Variants in TTN observed in about 807,000 individuals in gnomAD.
TTN encodes connectin.
TTN carries 1,525 observed loss-of-function variants against 3,223.0 expected under a neutral mutation model. That is an observed-to-expected ratio of 0.47 (90% CI 0.45 to 0.49). TTN has a LOEUF of 0.49. TTN is among the 20% of genes least tolerant of loss of function. The pLI is 0.00. For synonymous variants in TTN, 14,094 were observed against 15,161.0 expected (o/e 0.93, Z 5.17); for missense variants, 40,786 against 43,424.0 (o/e 0.94, Z 5.40).
chr2:178,599,880 G>A lies in TTN; in HGVS notation c.56051-30C>T, dbSNP rs1222223730. ...ATTATTTAAAAAAAGTTGTCATTAG[G>A]AGCAAAAAGCATTGAGGGATAGAAA... On this transcript the variant is annotated intron_variant, in intron 288 of 362. Transcript: ENST00000589042. 6 of 1,522,936 alleles carry A rather than the reference G, an allele frequency of 3.9e-6. No homozygotes were observed. The African/African-American group carries it at 4.2e-5, about 11-fold the overall frequency. 94.3% of individuals were successfully genotyped at this position (1,522,936 alleles called of 1,614,324 possible).
At position 178,608,901 on chromosome 2, in the gene TTN, C is replaced by T. The variant is rs139789997; in HGVS notation, c.52110G>A (p.Pro17370=). The T allele has an allele frequency of 6.6e-4, 1,060 of 1,607,808 alleles. No homozygotes were observed. Among genetic ancestry groups the T allele is most frequent in the Non-Finnish European group, 8.1e-4 (957 of 1,178,852 alleles). Residue 17370 remains proline (P), a synonymous_variant, in exon 274 of 363, where the codon CCG becomes CCA. Coordinates refer to ENST00000589042, the MANE Select transcript of TTN (RefSeq NM_001267550.2). ...CAAATACAAAGTTGATTGGTGGTCC[C>T]GGTGTATCTAATATTTCAGAAGAGA... is the stretch of plus-strand genomic sequence containing the variant. ...APCTVSVLDT[P]GPPINFVFED...
chr2:178,606,991 C>T (rs1245838921), intron 278 of TTN, 30 bp downstream of exon 278: 1 of 1,593,416 alleles, frequency 6.3e-7, no homozygotes, highest in Non-Finnish European at 8.5e-7. Context: ...AAACATTACT[C>T]TATAAACACA....
At chr2:178,681,507 G>T in intron 136 of TTN, 57 bp from the exon 137 acceptor site, 1 of 1,523,126 alleles carries the variant, frequency 6.6e-7, no homozygotes, top group Non-Finnish European at 8.9e-7. Flanking sequence ...CTCAAGGCTA[G>T]CAAGAACAAA....
Position 178,782,354 on chromosome 2 carries a change from C to A in TTN, c.3238G>T (p.Ala1080Ser). 1.2e-6 allele frequency: 2 copies of A among 1,614,088 alleles called. No individual in the cohort carries two copies. The highest frequency in any genetic ancestry group is 1.7e-6 in the Non-Finnish European group (2 of 1,179,988). Residue 1080 changes from alanine (A) to serine (S), a missense_variant, in exon 20 of 363, where the codon GCC becomes TCC. Transcript: ENST00000589042. ...TEEQAGPGEP[A>S]APYFITKPVV... ...GGTTTTGTAATAAAGTAAGGCGCGG[C>A]AGGTTCTCCAGGCCCTGCTTGTTCC...
rs777031546 is a variant in TTN, at chr2:178,619,879, C to G, written c.46438G>C (p.Val15480Leu). 6.2e-7 allele frequency: 1 copy of G among 1,606,622 alleles called. No homozygotes were observed. The highest frequency in any genetic ancestry group is 1.3e-5 in the African/African-American group (1 of 74,446). The change falls in exon 250 of 363, where the codon GTT becomes CTT. Residue 15480 changes from valine (V) to leucine (L), a missense_variant. Val to Leu is a conservative substitution (Grantham distance 32). Coordinates refer to ENST00000589042, the MANE Select transcript of TTN (RefSeq NM_001267550.2). The part of the protein sequence containing the change: ...RARLFVEEIP[V>L]EIIRPPQDIL... ...TCTTGTGGAGGCCTGATGATCTCAA[C>G]AGGAATTTCTGGAAAGAAAATGTGA...
At chr2:178,615,864 C>G (rs1411583561) in intron 257 of TTN, 76 bp from the exon 258 acceptor site, 1 of 1,480,784 alleles carries the variant, frequency 6.8e-7, no homozygotes, top group Non-Finnish European at 9.0e-7. Context: ...TTACCATGAC[C>G]AGGGATACAA....
rs1159907858 is a variant in TTN, at chr2:178,548,854, C to G, written c.92772G>C (p.Glu30924Asp). Residue 30924 changes from glutamate to aspartate, a missense_variant, in exon 339 of 363, where the codon GAG (glutamate) becomes GAC (aspartate). Coordinates refer to ENST00000589042, the MANE Select transcript of TTN (RefSeq NM_001267550.2). This position sits in a 1 kb window ranked among gnomAD's most constrained non-coding sequence, Gnocchi z 4.3. ...IKAVDRLTAP[E>D]LDIDANFKQT... Reference sequence around the variant, plus strand: ...GTTTGAAGTTTGCATCTATGTCTAACTCAGGAGCTGTTAACCGGTCAACTG... The same window carrying G: ...GTTTGAAGTTTGCATCTATGTCTAAGTCAGGAGCTGTTAACCGGTCAACTG... 2 of 1,613,574 alleles carry G rather than the reference C, an allele frequency of 1.2e-6. No individual in the cohort carries two copies. The highest frequency in any genetic ancestry group is 2.2e-5 in the South Asian group (2 of 91,080).
Position 178,587,497 on chromosome 2 carries a change from A to T in TTN, c.63793+19T>A. The T allele has an allele frequency of 6.2e-7, 1 of 1,604,802 alleles. No homozygotes were observed. Among genetic ancestry groups the T allele is most frequent in the South Asian group, 1.1e-5 (1 of 89,586 alleles). ...AATTCATTTTTGAAGTGGGAGGGAG[A>T]AGCATTTTAGTAACCCACCTAATAC... On this transcript the variant is annotated intron_variant, in intron 306 of 362. Transcript: ENST00000589042.
In TTN at chr2:178,562,251, T is replaced by G; in HGVS notation, c.83881A>C (p.Ile27961Leu). ...AAAGGAAGCTCAACTGAAGGCTTTA[T>G]TTCAATATCCCTTGCAATTACTGGC... ...GVPVIARDIEIKPSVELPFHT... is the reference protein window; with the variant it reads ...GVPVIARDIELKPSVELPFHT... Residue 27961 changes from isoleucine (I) to leucine (L), a missense_variant, in exon 326 of 363, where the codon ATA becomes CTA. By Grantham distance (5) the Ile-to-Leu change is conservative. Coordinates refer to ENST00000589042, the MANE Select transcript of TTN (RefSeq NM_001267550.2). 1.2e-6 allele frequency: 2 copies of G among 1,613,246 alleles called. No individual in the cohort carries two copies. Among genetic ancestry groups the G allele is most frequent in the Non-Finnish European group, 8.5e-7 (1 of 1,179,596 alleles).
Position 178,574,515 on chromosome 2 carries a change from A to G in TTN, c.71617T>C (p.Trp23873Arg), listed in dbSNP as rs748571909. The change falls in exon 326 of 363, where the codon TGG becomes CGG. Residue 23873 changes from tryptophan to arginine, a missense_variant. Trp to Arg is a moderately radical substitution (Grantham distance 101). Coordinates refer to ENST00000589042, the MANE Select transcript of TTN (RefSeq NM_001267550.2). ...VERKERNGIL[W>R]QTVSKALVPG... ...ACTAAAGCTTTGCTCACAGTCTGCCAGAGAATACCATTTCGTTCTTTTCTT... is the reference window on the plus strand; with the variant it reads ...ACTAAAGCTTTGCTCACAGTCTGCCGGAGAATACCATTTCGTTCTTTTCTT... The G allele has an allele frequency of 1.2e-6, 2 of 1,613,650 alleles. No individual in the cohort carries two copies. Among genetic ancestry groups the G allele is most frequent in the South Asian group, 1.1e-5 (1 of 91,072 alleles).
rs932428446 is a variant in TTN at position 178,614,830 on chromosome 2, A to T, written c.48760+17T>A. On this transcript the variant is annotated intron_variant, in intron 260 of 362. Coordinates refer to ENST00000589042, the MANE Select transcript of TTN (RefSeq NM_001267550.2). Reference sequence around the variant, plus strand: ...GTCAGAGGCCTATTTGATAAGACAAAAATCAAAAATAGATACCTTGTGTGT... The same window carrying T: ...GTCAGAGGCCTATTTGATAAGACAATAATCAAAAATAGATACCTTGTGTGT... 1 of 1,576,806 alleles carries T rather than the reference A, an allele frequency of 6.3e-7. No individual in the cohort carries two copies. Among genetic ancestry groups the T allele is most frequent in the Non-Finnish European group, 8.6e-7 (1 of 1,160,088 alleles).
intron 239 of TTN, among the ~76,000 whole-genome samples, chr2:178,629,808 T>C (rs1275317924): frequency 6.6e-6 from 1 of 152,098 alleles, no homozygotes; most frequent in African/African-American, 2.4e-5. Context: ...TCCCTATCCA[T>C]CAAACACTTT....
intron 240 of TTN, among the ~76,000 whole-genome samples, chr2:178,626,062 T>C (rs1181787652): frequency 6.6e-6 from 1 of 151,872 alleles, no homozygotes; most frequent in African/African-American, 2.4e-5. Context: ...TATATACATA[T>C]AAAGGAAGAA....
rs1489491529 is a variant in TTN at position 178,721,107 on chromosome 2, T to C, written c.22912A>G (p.Ile7638Val). Residue 7638 changes from isoleucine to valine, a missense_variant, in exon 79 of 363, where the codon ATC becomes GTC. By Grantham distance (29) the Ile-to-Val change is conservative. Coordinates refer to ENST00000589042, the MANE Select transcript of TTN (RefSeq NM_001267550.2). ...TCATTTCGGAACCATGAAACTTTGA[T>C]TTCTGGGGAGCCACTTATTTTACAT... ...LECKISGSPEIKVSWFRNDSE... is the reference protein window; with the variant it reads ...LECKISGSPEVKVSWFRNDSE... The C allele has an allele frequency of 6.2e-7, 1 of 1,613,442 alleles. No individual in the cohort carries two copies. The highest frequency in any genetic ancestry group is 1.1e-5 in the South Asian group (1 of 91,056).
At position 178,663,882 on chromosome 2, in the gene TTN, C is replaced by A. The variant is rs1287619458; in HGVS notation, c.36385G>T (p.Val12129Phe). ...AAGGGCACTTTCTCTTCGCGGATAA[C>A]CTCTTTGGAAGCTTCTGGCACTTGA... ...PVKVPEASKE[V>F]IREEKVPLAP... Residue 12129 changes from valine to phenylalanine, a missense_variant, in exon 170 of 363, where the codon GTT becomes TTT. By Grantham distance (50) the Val-to-Phe change is conservative. Transcript: ENST00000589042. The A allele has an allele frequency of 3.1e-6, 5 of 1,612,610 alleles. No individual in the cohort carries two copies. The highest frequency in any genetic ancestry group is 1.3e-5 in the African/African-American group (1 of 74,660).
At chr2:178,688,367 A>T in intron 126 of TTN, 143 bp from the exon 127 acceptor site, 1 of 751,110 alleles carries the variant, frequency 1.3e-6, no homozygotes, top group Non-Finnish European at 2.2e-6. Flanking sequence ...AAGAAGGAGG[A>T]AGCTAATTTA....
At chr2:178,761,903 C>T (rs1335755136) in intron 43 of TTN, among the ~76,000 whole-genome samples, 2 of 152,232 alleles carry the variant, frequency 1.3e-5, no homozygotes, top group Non-Finnish European at 2.9e-5. Flanking sequence ...ACTGACTCAT[C>T]ATCTGTAGAA....
Position 178,553,569 on chromosome 2 carries a change from A to T in TTN, c.89436T>A (p.Ala29812=). 1 of 1,613,958 alleles carries T rather than the reference A, an allele frequency of 6.2e-7. No homozygotes were observed. The highest frequency in any genetic ancestry group is 8.5e-7 in the Non-Finnish European group (1 of 1,179,824). The change falls in exon 334 of 363, where the codon GCT becomes GCA. Residue 29812 remains alanine (A), a synonymous_variant. Transcript: ENST00000589042. ...PGVNYYFRVS[A]VNCAGQGEPI... ...GTTCTCCTTGTCCAGCACAGTTTACAGCAGATACCCGGAAGTAGTAATTGA... is the reference window on the plus strand; with the variant it reads ...GTTCTCCTTGTCCAGCACAGTTTACTGCAGATACCCGGAAGTAGTAATTGA...
Position 178,632,902 on chromosome 2 carries a change from G to A in TTN, c.43213+16C>T, listed in dbSNP as rs1057520390. 1.9e-6 allele frequency: 3 copies of A among 1,612,046 alleles called. No homozygotes were observed. Among genetic ancestry groups the A allele is most frequent in the Non-Finnish European group, 2.5e-6 (3 of 1,178,892 alleles). On this transcript the variant is annotated intron_variant, in intron 234 of 362. Transcript: ENST00000589042. Reference sequence around the variant, plus strand: ...GCAGAGAAAATACAAAAACGTGGCTGACAAGTAGAGCATACCTTTCACTTT... The same window carrying A: ...GCAGAGAAAATACAAAAACGTGGCTAACAAGTAGAGCATACCTTTCACTTT...
Sources: gnomAD v4.1 joint callset for allele counts (sites outside exome capture counted in the v4.1 genomes callset) on GRCh38, gnomAD v4.1.1 for gene constraint, Gnocchi (gnomAD v3.1) non-coding constraint, MANE v1.5 for transcripts, NCBI Gene and HGNC (gene_info 2026-07-23, HGNC 2026-07-21) for gene names.